PCDH19: variants seen among roughly 807,000 people sequenced by gnomAD.
PCDH19 encodes protocadherin-19.
Under a neutral mutation model 46.2 loss-of-function variants are expected in PCDH19, and 6 were observed. The ratio of observed to expected loss-of-function variants is 0.13; its 90% CI spans 0.07 to 0.26. The LOEUF (loss-of-function observed/expected upper bound fraction) is 0.26, where lower values mean the gene tolerates loss of function less well. Among genes scored for constraint, PCDH19 ranks in the 10% least tolerant of loss-of-function variants. The probability of loss-of-function intolerance (pLI) is 1.00; values close to 1 mark genes in which losing one functional copy is unlikely to be tolerated. For missense variants in PCDH19, 740 were observed against 972.3 expected (o/e 0.76, Z 3.18); for synonymous variants, 481 against 415.7 (o/e 1.16, Z -1.91).
At chrX:100,392,388 T>C (rs952186676) in intron 3 of PCDH19, among the ~76,000 whole-genome samples, 9 of 112,240 alleles carry the variant, frequency 8.0e-5, no homozygotes, top group African/African-American at 2.9e-4. Flanking sequence ...AATTGGTGTT[T>C]CATATGTAGT....
intron 3 of PCDH19, among the ~76,000 whole-genome samples, chrX:100,389,896 C>T (rs1927818578): frequency 9.0e-6 from 1 of 111,576 alleles, no homozygotes; most frequent in Admixed American, 9.6e-5. Flanking sequence ...TCTTCAGCTT[C>T]AAAATCAATT....
intron 5 of PCDH19, among the ~76,000 whole-genome samples, chrX:100,333,023 AAAAAGAAAAG>A (rs993067283): frequency 1.9e-5 from 2 of 104,808 alleles, no homozygotes; most frequent in African/African-American, 7.0e-5. Context: ...GAAAGAAAGA[AAAAAGAAAAG>A]AAAAGAAAGG....
chrX:100,390,436 T>C (rs1222503559), intron 3 of PCDH19, among the ~76,000 whole-genome samples: 1 of 111,453 alleles, frequency 9.0e-6, no homozygotes, highest in Non-Finnish European at 1.9e-5. Context: ...CACCTGACAC[T>C]ATCCAAAAGA....
intron 3 of PCDH19, among the ~76,000 whole-genome samples, chrX:100,378,350 G>A (rs1470706732): frequency 1.8e-5 from 2 of 112,830 alleles, no homozygotes; most frequent in Non-Finnish European, 3.7e-5. Flanking sequence ...AGCCCCAAAG[G>A]AAAAAGCTGA....
intron 5 of PCDH19, among the ~76,000 whole-genome samples, chrX:100,321,601 AT>A (rs1925481752): frequency 9.1e-6 from 1 of 109,343 alleles, no homozygotes; most frequent in Non-Finnish European, 1.9e-5. Context: ...TCTTTAGCCC[AT>A]TTTTTGATGG....
intron 3 of PCDH19, among the ~76,000 whole-genome samples, chrX:100,388,810 G>C (rs1305395878): frequency 1.8e-5 from 2 of 110,651 alleles, no homozygotes; most frequent in Non-Finnish European, 3.8e-5. Flanking sequence ...TGATTCCCCT[G>C]AGGTAACAGA....
At chrX:100,331,338 G>T (rs1184224958) in intron 5 of PCDH19, among the ~76,000 whole-genome samples, 3 of 111,745 alleles carry the variant, frequency 2.7e-5, no homozygotes, top group Non-Finnish European at 5.6e-5. Context: ...GGTCTATGGG[G>T]TTCCACTTTG....
intron 5 of PCDH19, among the ~76,000 whole-genome samples, chrX:100,311,131 C>A (rs956734056): frequency 9.0e-6 from 1 of 111,135 alleles, no homozygotes; most frequent in Admixed American, 9.6e-5. Context: ...CAGGAGAGAG[C>A]TACCGCGCCC....
intron 3 of PCDH19, among the ~76,000 whole-genome samples, chrX:100,365,646 A>G (rs1472520020): frequency 9.0e-6 from 1 of 111,672 alleles, no homozygotes; most frequent in African/African-American, 3.3e-5. Flanking sequence ...ATACTCGTAA[A>G]GCATTAAAAT....
Position 100,296,146 on chromosome X carries a change from A to C in PCDH19, c.*131T>G, listed in dbSNP as rs769229398. 1.6e-5 allele frequency: 9 copies of C among 568,258 alleles called. No individual in the cohort carries two copies. The highest frequency in any genetic ancestry group is 1.6e-4 in the African/African-American group (7 of 44,333). 46.8% of individuals were successfully genotyped at this position (568,258 alleles called of 1,213,427 possible). A position where few individuals can be genotyped will look rare whatever the true frequency, so the allele number is the denominator to read the frequency against. ...CTGTCACAGAATGATAATCACCTAT[A>C]AACAATACATTTAGGAAAAGCTCTG... On this transcript the variant is annotated 3_prime_UTR_variant, in exon 6 of 6. Transcript: ENST00000373034.
At chrX:100,369,369 A>G (rs1927158057) in intron 3 of PCDH19, among the ~76,000 whole-genome samples, 1 of 111,368 alleles carries the variant, frequency 9.0e-6, no homozygotes. Context: ...TTTTTTAATG[A>G]TTAGAAGATT....
chrX:100,364,813 CAA>C (rs1290762679), intron 3 of PCDH19, among the ~76,000 whole-genome samples: 1 of 112,079 alleles, frequency 8.9e-6, no homozygotes, highest in African/African-American at 3.2e-5. Flanking sequence ...ATCAGAAATG[CAA>C]AGTTTGCAAA....
At chrX:100,373,156 G>A (rs1445877641) in intron 3 of PCDH19, among the ~76,000 whole-genome samples, 3 of 112,203 alleles carry the variant, frequency 2.7e-5, no homozygotes, top group Admixed American at 9.4e-5. Flanking sequence ...CTACAGGCGC[G>A]TGCCACCACG....
intron 5 of PCDH19, among the ~76,000 whole-genome samples, chrX:100,317,310 C>T (rs1173053164): frequency 8.9e-6 from 1 of 112,118 alleles, no homozygotes; most frequent in Non-Finnish European, 1.9e-5. Context: ...ATGCAAAGCA[C>T]AGACTAAGAC....
In PCDH19 at chrX:100,407,461, G is replaced by A. The variant is rs56277715; in HGVS notation, c.1137C>T (p.Gly379=). The A allele has an allele frequency of 0.015, 18,506 of 1,210,690 alleles. 117 individuals carry two copies. The highest frequency in any genetic ancestry group is 0.019 in the Non-Finnish European group (16,852 of 895,428). Residue 379 remains glycine, a synonymous_variant, in exon 1 of 6, where the codon GGC becomes GGT. Transcript: ENST00000373034. ...AACGGCACTGCACACGTCCATTGAG[G>A]CCTGAGTCGCGATCAGACACCCGCA... The part of the protein sequence containing the change: ...ALVRVSDRDS[G]LNGRVQCRLL...
At chrX:100,396,079 T>C (rs1172750439) in intron 3 of PCDH19, among the ~76,000 whole-genome samples, 2 of 111,257 alleles carry the variant, frequency 1.8e-5, no homozygotes. Flanking sequence ...ACGGCTTTAT[T>C]TACCCAAATC....
In PCDH19 at chrX:100,341,915, T is replaced by C. The variant is rs1064793304; in HGVS notation, c.2836A>G (p.Met946Val). 2 of 1,206,900 alleles carry C rather than the reference T, an allele frequency of 1.7e-6. No individual in the cohort carries two copies. Among genetic ancestry groups the C allele is most frequent in the African/African-American group, 1.7e-5 (1 of 57,745 alleles). ...AACCAGTCCTTACCATGATCAGGCA[T>C]CTGAGATCCCATGGAGGTCACACTG... is the stretch of plus-strand genomic sequence containing the variant. Reference protein sequence around the residue: ...NTSVTSMGSQMPDHDQNEGFH... With the variant: ...NTSVTSMGSQVPDHDQNEGFH... Residue 946 changes from methionine to valine, a missense_variant, in exon 5 of 6, where the codon ATG (methionine) becomes GTG (valine). Physicochemically the swap from Met to Val is conservative, Grantham distance 21 (BLOSUM62 1). This residue lies in a region of PCDH19 where 416 missense variants were observed against 476.8 expected (regional missense o/e 0.87). Transcript: ENST00000373034.
intron 3 of PCDH19, among the ~76,000 whole-genome samples, chrX:100,392,037 G>A (rs908270564): frequency 1.6e-4 from 18 of 111,721 alleles, no homozygotes. Context: ...AACCTTTACA[G>A]GTACGGATTT....
At chrX:100,376,251 A>G (rs1394136158) in intron 3 of PCDH19, among the ~76,000 whole-genome samples, 16 of 86,985 alleles carry the variant, frequency 1.8e-4, no homozygotes, top group African/African-American at 4.1e-4. Flanking sequence ...AAAAAAAAAA[A>G]AAAGAAAAGA....
Sources: gnomAD v4.1 joint callset for allele counts (sites outside exome capture counted in the v4.1 genomes callset) on GRCh38, gnomAD v4.1.1 for gene constraint, gnomAD v4.1.1 regional missense constraint, MANE v1.5 for transcripts, NCBI Gene and HGNC (gene_info 2026-07-23, HGNC 2026-07-21) for gene names.